HERC4: variants seen among roughly 807,000 people sequenced by gnomAD.
HERC4 encodes probable E3 ubiquitin-protein ligase HERC4.
In HERC4, 28 loss-of-function variants were observed where a neutral mutation model predicts 124.3. The observed-to-expected ratio is 0.23, with a 90% CI of 0.17 to 0.31. HERC4 has a LOEUF of 0.31. Ranked by LOEUF, HERC4 falls within the 10% of genes least tolerant of loss-of-function variation. The pLI is 1.00. For missense variants in HERC4, 713 were observed against 1,229.3 expected (o/e 0.58, Z 6.28); for synonymous variants, 407 against 421.5 (o/e 0.97, Z 0.42).
chr10:67,990,160 T>A (rs2036474427), intron 14 of HERC4, 51 bp downstream of exon 14: 22 of 1,449,948 alleles, frequency 1.5e-5, no homozygotes, highest in Non-Finnish European at 2.1e-5. Flanking sequence ...TTATGAAGCA[T>A]TTTCATTTAA....
chr10:67,931,471 GGA>G (rs1296057942), intron 23 of HERC4, among the ~76,000 whole-genome samples: 1 of 151,490 alleles, frequency 6.6e-6, no homozygotes, highest in Non-Finnish European at 1.5e-5. Context: ...GCTTTTTTTT[GGA>G]GAGTGCAGTG....
intron 3 of HERC4, among the ~76,000 whole-genome samples, chr10:68,058,720 G>A (rs1249390085): frequency 1.3e-5 from 2 of 151,900 alleles, no homozygotes; most frequent in Non-Finnish European, 2.9e-5. Flanking sequence ...CTAGGAGTTT[G>A]GCATGATTAT....
In HERC4 at chr10:68,032,804, CT is replaced by C; in HGVS notation, c.750del (p.Glu251LysfsTer7). Reference protein sequence around the residue: ...RSQKIVYICCGEDHTAALTKE... With the variant: ...RSQKIVYICCXEDHTAALTKE... ...TTGGTTAGAGCAGCAGTATGATCTT[CT>C]CCACAACAAATATAAACTATTTTCT... On this transcript the variant is annotated frameshift_variant, in exon 7 of 25. Transcript: ENST00000373700. LOFTEE classifies it high-confidence loss of function. 6.3e-7 allele frequency: 1 copy of C among 1,579,052 alleles called. No individual in the cohort carries two copies. Among genetic ancestry groups the C allele is most frequent in the Non-Finnish European group, 8.7e-7 (1 of 1,148,444 alleles).
At chr10:68,059,841 A>ATTATATATCATAATATT (rs1564609819) in intron 3 of HERC4, among the ~76,000 whole-genome samples, 2 of 32,988 alleles carry the variant, frequency 6.1e-5, no homozygotes, top group Admixed American at 1.1e-3. Flanking sequence ...TATATATTAT[A>ATTATATATCATAATATT]ATATATTATA....
chr10:67,957,536 C>T (rs922980668), intron 16 of HERC4, among the ~76,000 whole-genome samples: 2 of 152,150 alleles, frequency 1.3e-5, no homozygotes, highest in African/African-American at 4.8e-5. Context: ...CATTATTAGA[C>T]ATTAGACACT....
rs2037634973 is a variant in HERC4 at position 68,007,343 on chromosome 10, C to CT, written c.1069+6682dup. On this transcript the variant is annotated intron_variant, in intron 9 of 24. Transcript: ENST00000373700. ...GTTTTAATCTCTTTGTTAAATTTAT[C>CT]TGATAGGATTCTGAACTTCCTCTGT... Among the ~76,000 whole-genome samples, 5 of 152,166 alleles carry CT rather than the reference C, an allele frequency of 3.3e-5. No individual in the cohort carries two copies. The South Asian group carries it at 1.0e-3, about 32-fold the overall frequency.
At chr10:68,017,292 A>G (rs1049556984) in intron 8 of HERC4, among the ~76,000 whole-genome samples, 2 of 152,218 alleles carry the variant, frequency 1.3e-5, no homozygotes, top group African/African-American at 2.4e-5. Context: ...AAGTCACCCC[A>G]GTGAATAGGC....
Position 67,982,307 on chromosome 10 carries a change from C to A in HERC4, c.1806+6356G>T, listed in dbSNP as rs542162496. 1.2e-4 allele frequency among the ~76,000 whole-genome samples: 19 copies of A among 152,066 alleles called. No individual in the cohort carries two copies. In the East Asian group the frequency reaches 3.5e-3, roughly 28 times the overall value. ...ACAGAACAAATTTGTTTCTAGAGAA[C>A]CTAGAAACAAATCTACACACCTAAA... On this transcript the variant is annotated intron_variant, in intron 15 of 24. Transcript: ENST00000373700.
At chr10:67,952,370 G>A (rs1249297266) in intron 19 of HERC4, among the ~76,000 whole-genome samples, 2 of 152,080 alleles carry the variant, frequency 1.3e-5, no homozygotes, top group Non-Finnish European at 1.5e-5. Flanking sequence ...TGCAACCTCC[G>A]TCTATTGGGT....
At chr10:68,049,199 C>A in intron 3 of HERC4, among the ~76,000 whole-genome samples, 1 of 149,248 alleles carries the variant, frequency 6.7e-6, no homozygotes, top group Admixed American at 6.7e-5. Flanking sequence ...AAAAAAAAAT[C>A]AAGAAAAGAG....
At chr10:68,022,556 C>T (rs1408004411) in intron 8 of HERC4, among the ~76,000 whole-genome samples, 1 of 149,442 alleles carries the variant, frequency 6.7e-6, no homozygotes, top group East Asian at 2.0e-4. Context: ...TCAAATAGAT[C>T]AAAGACCTAA....
intron 6 of HERC4, among the ~76,000 whole-genome samples, chr10:68,033,536 T>C (rs780482595): frequency 7.2e-5 from 11 of 152,202 alleles, no homozygotes; most frequent in Admixed American, 6.5e-5. Flanking sequence ...TGTTTAAGAC[T>C]TTAGCATCAA....
At chr10:68,067,685 C>T (rs987503070) in intron 3 of HERC4, 1 of 152,168 alleles carries the variant, frequency 6.6e-6, no homozygotes, top group African/African-American at 2.4e-5. Flanking sequence ...CAAGTAATCA[C>T]TACTATGTGA....
At chr10:67,978,875 G>A (rs2035758006) in intron 15 of HERC4, among the ~76,000 whole-genome samples, 1 of 152,158 alleles carries the variant, frequency 6.6e-6, no homozygotes, top group African/African-American at 2.4e-5. Flanking sequence ...GACCATCAAG[G>A]CAGTACCTTT....
intron 20 of HERC4, among the ~76,000 whole-genome samples, chr10:67,940,107 T>C (rs1589137425): frequency 6.6e-6 from 1 of 152,042 alleles, no homozygotes; most frequent in African/African-American, 2.4e-5. Flanking sequence ...TTTGTATTTT[T>C]AGTAGAGACC....
chr10:68,019,062 T>C (rs1416204682), intron 8 of HERC4, among the ~76,000 whole-genome samples: 2 of 149,102 alleles, frequency 1.3e-5, no homozygotes, highest in African/African-American at 5.0e-5. Context: ...AATGGTGCGA[T>C]CTCGGCTCAC....
Position 67,955,089 on chromosome 10 carries a change from A to C in HERC4, c.2067T>G (p.Leu689=). ...TCACAGATTCAATCACTGGGAGAAAAAGAGAGGAGACATTCTGCCTGTGGG... is the reference window on the plus strand; with the variant it reads ...TCACAGATTCAATCACTGGGAGAAACAGAGAGGAGACATTCTGCCTGTGGG... ...DQAHRQNVSS[L]FLPVIESVNP... The change falls in exon 18 of 25, where the codon CTT becomes CTG. Residue 689 remains leucine, a synonymous_variant. Coordinates refer to ENST00000373700, the MANE Select transcript of HERC4 (RefSeq NM_015601.4). The C allele has an allele frequency of 6.3e-7, 1 of 1,591,408 alleles. No homozygotes were observed. The highest frequency in any genetic ancestry group is 1.1e-5 in the South Asian group (1 of 88,256).
rs2036590757 is a variant in HERC4, at chr10:67,992,191, T to C, written c.1271+8A>G. 6.2e-7 allele frequency: 1 copy of C among 1,612,748 alleles called. No homozygotes were observed. Among genetic ancestry groups the C allele is most frequent in the Non-Finnish European group, 8.5e-7 (1 of 1,179,484 alleles). On this transcript the variant is annotated splice_region_variant and intron_variant, in intron 11 of 24. Transcript: ENST00000373700. Reference sequence around the variant, plus strand: ...GCCACTGTGCCTGGCCCAAAATGCTTTTCTTACTTGGCTATCTCCACAGGA... The same window carrying C: ...GCCACTGTGCCTGGCCCAAAATGCTCTTCTTACTTGGCTATCTCCACAGGA...
At chr10:68,018,171 A>G (rs762415816) in intron 8 of HERC4, among the ~76,000 whole-genome samples, 5 of 152,146 alleles carry the variant, frequency 3.3e-5, no homozygotes, top group Non-Finnish European at 5.9e-5. Context: ...CACCAAACAA[A>G]AAGGATAATA....
Sources: gnomAD v4.1 joint callset for allele counts (sites outside exome capture counted in the v4.1 genomes callset) on GRCh38, gnomAD v4.1.1 for gene constraint, MANE v1.5 for transcripts, NCBI Gene and HGNC (gene_info 2026-07-23, HGNC 2026-07-21) for gene names.